SLC38A12: variants seen among roughly 807,000 people sequenced by gnomAD.
SLC38A12 encodes solute carrier family 38 member 12, also known as putative sodium-coupled neutral amino acid transporter 12.
At chr17:74,824,206 G>T in the SLC38A12 span, among the ~76,000 whole-genome samples, 10 of 152,212 alleles carry the variant, frequency 6.6e-5, no homozygotes, top group Non-Finnish European at 1.3e-4. Flanking sequence ...TGCGTGGAGA[G>T]GAGGCCTCTC....
At chr17:74,825,734 A>G in the SLC38A12 span, among the ~76,000 whole-genome samples, 1 of 152,244 alleles carries the variant, frequency 6.6e-6, no homozygotes, top group Non-Finnish European at 1.5e-5. Context: ...ACTAAGTCCC[A>G]GATCACTCGT....
the SLC38A12 span, chr17:74,795,780 C>T: frequency 1.5e-6 from 1 of 656,284 alleles, no homozygotes. Flanking sequence ...GGGGCCTTGG[C>T]CCCAGGCAGA....
chr17:74,812,689 C>T, the SLC38A12 span, among the ~76,000 whole-genome samples: 1 of 152,194 alleles, frequency 6.6e-6, no homozygotes, highest in Non-Finnish European at 1.5e-5. Flanking sequence ...GCCCTCCTCA[C>T]TCCAAGCCCG....
the SLC38A12 span, among the ~76,000 whole-genome samples, chr17:74,814,248 G>T: frequency 6.7e-6 from 1 of 149,096 alleles, no homozygotes; most frequent in Non-Finnish European, 1.5e-5. Context: ...GGCATCCCAG[G>T]CCCCCTTCCT....
the SLC38A12 span, among the ~76,000 whole-genome samples, chr17:74,819,063 GC>G: frequency 2.5e-3 from 377 of 152,318 alleles, 1 homozygote; most frequent in African/African-American, 8.7e-3. Flanking sequence ...CCGCTTCTCT[GC>G]CTGGGTCCCA....
the SLC38A12 span, among the ~76,000 whole-genome samples, chr17:74,788,384 G>T: frequency 6.6e-6 from 1 of 152,148 alleles, no homozygotes; most frequent in East Asian, 1.9e-4. Context: ...TGACGTGAAA[G>T]CTGCCTGCTG....
chr17:74,790,034 G>A, the SLC38A12 span, among the ~76,000 whole-genome samples: 1 of 150,852 alleles, frequency 6.6e-6, no homozygotes, highest in African/African-American at 2.5e-5. Context: ...GCTCACTGCA[G>A]CCTCGATCTC....
At chr17:74,817,795 CT>C in the SLC38A12 span, among the ~76,000 whole-genome samples, 1 of 152,084 alleles carries the variant, frequency 6.6e-6, no homozygotes, top group Non-Finnish European at 1.5e-5. Flanking sequence ...GGTGTAAAAC[CT>C]TCTAAAAACC....
the SLC38A12 span, chr17:74,836,195 C>T: frequency 6.2e-7 from 1 of 1,612,550 alleles, no homozygotes; most frequent in East Asian, 2.2e-5. The surrounding 1 kb of genome is among the most constrained non-coding windows in gnomAD (Gnocchi z 4.2). Flanking sequence ...GCGGCGACAG[C>T]CTCATGGACA....
At chr17:74,810,147 C>T in the SLC38A12 span, among the ~76,000 whole-genome samples, 1 of 152,236 alleles carries the variant, frequency 6.6e-6, no homozygotes, top group African/African-American at 2.4e-5. Context: ...CGTCTCTCCA[C>T]TCACGCATTC....
At chr17:74,820,283 A>AAGCC in the SLC38A12 span, among the ~76,000 whole-genome samples, 5 of 152,306 alleles carry the variant, frequency 3.3e-5, no homozygotes, top group East Asian at 1.9e-4. Flanking sequence ...ATAACCATAA[A>AAGCC]AGCCAGCGGG....
the SLC38A12 span, chr17:74,837,255 G>T: frequency 2.0e-6 from 2 of 985,638 alleles, no homozygotes; most frequent in Non-Finnish European, 2.4e-6. Flanking sequence ...AGAGGGCCTG[G>T]CTGGCCCCAT....
At chr17:74,783,419 C>CT in the SLC38A12 span, among the ~76,000 whole-genome samples, 1 of 152,150 alleles carries the variant, frequency 6.6e-6, no homozygotes, top group Non-Finnish European at 1.5e-5. Flanking sequence ...GGCAGGACAA[C>CT]TTTGGGAGCC....
At chr17:74,790,840 C>G in the SLC38A12 span, 99 of 824,030 alleles carry the variant, frequency 1.2e-4, 1 homozygote, top group Non-Finnish European at 1.7e-4. Flanking sequence ...AAAGTTTTCT[C>G]GAGTTTGGAC....
At chr17:74,790,993 C>A in the SLC38A12 span, 12 of 1,614,038 alleles carry the variant, frequency 7.4e-6, no homozygotes, top group South Asian at 9.9e-5. Flanking sequence ...AAATCACAGA[C>A]CGGGTGGAAA....
chr17:74,813,399 CACAGAAAGTTCTTAGGACTTGTCCTTTGT>C, the SLC38A12 span, among the ~76,000 whole-genome samples: 1 of 152,240 alleles, frequency 6.6e-6, no homozygotes, highest in African/African-American at 2.4e-5. Flanking sequence ...CGTGGAGTTG[CACAGAAAGTTCTTAGGACTTGTCCTTTGT>C]TGCAGCCCTC....
the SLC38A12 span, among the ~76,000 whole-genome samples, chr17:74,782,136 C>T: frequency 6.6e-6 from 1 of 152,276 alleles, no homozygotes; most frequent in East Asian, 1.9e-4. Context: ...GGCATGATCT[C>T]GGCTCACTGC....
chr17:74,823,326 A>T, the SLC38A12 span, among the ~76,000 whole-genome samples: 1 of 152,238 alleles, frequency 6.6e-6, no homozygotes, highest in Non-Finnish European at 1.5e-5. Flanking sequence ...TTAATTAGGA[A>T]TTAGTTCTGC....
At chr17:74,838,667 G>A in the SLC38A12 span, 4 of 1,409,824 alleles carry the variant, frequency 2.8e-6, no homozygotes, top group Non-Finnish European at 3.7e-6. Context: ...TTGCTCCTCA[G>A]TGTCCTCCTG....
Sources: allele counts gnomAD v4.1 joint callset (sites outside exome capture counted in the v4.1 genomes callset), GRCh38; gene constraint gnomAD v4.1.1; non-coding constraint Gnocchi (gnomAD v3.1); transcripts MANE v1.5; gene names NCBI Gene and HGNC (gene_info 2026-07-23, HGNC 2026-07-21).